The following PTPRD variants were observed in gnomAD, a reference collection of about 807,000 sequenced individuals.
PTPRD encodes receptor-type tyrosine-protein phosphatase delta.
A neutral mutation model predicts 214.5 loss-of-function variants in PTPRD; 34 were observed. That is an observed-to-expected ratio of 0.16 (90% CI 0.12 to 0.21). The LOEUF (loss-of-function observed/expected upper bound fraction) is 0.21, where lower values mean the gene tolerates loss of function less well. PTPRD is among the 10% of genes least tolerant of loss of function. The pLI is 1.00. For missense variants in PTPRD, 2,545 were observed against 2,398.7 expected, an observed-to-expected ratio of 1.06 and a Z score of -1.27; for synonymous variants, 1,128 against 845.7, an observed-to-expected ratio of 1.33 and a Z score of -5.79.
At chr9:10,114,499 TCA>T (rs1326355162) in intron 3 of PTPRD, among the ~76,000 whole-genome samples, 1 of 152,100 alleles carries the variant, frequency 6.6e-6, no homozygotes, top group East Asian at 1.9e-4. Flanking sequence ...ACTCTCTCTC[TCA>T]TTCTCTCTTC....
chr9:8,554,093 C>T (rs1463290095), intron 14 of PTPRD, among the ~76,000 whole-genome samples: 3 of 152,106 alleles, frequency 2.0e-5, no homozygotes, highest in Non-Finnish European at 4.4e-5. Flanking sequence ...AAGGCTGAGG[C>T]AGTAGAATCA....
At chr9:9,488,144 G>A (rs952406993) in intron 8 of PTPRD, among the ~76,000 whole-genome samples, 4 of 152,086 alleles carry the variant, frequency 2.6e-5, no homozygotes, top group African/African-American at 9.7e-5. Flanking sequence ...TGTAAATAAT[G>A]CGGAATATTT....
intron 4 of PTPRD, among the ~76,000 whole-genome samples, chr9:9,975,950 C>A (rs2095335824): frequency 6.6e-6 from 1 of 152,160 alleles, no homozygotes; most frequent in Non-Finnish European, 1.5e-5. Flanking sequence ...GTTAAGTGAA[C>A]TAGACCTGAA....
chr9:10,470,916 GA>G (rs2099026610), intron 2 of PTPRD, among the ~76,000 whole-genome samples: 2 of 151,996 alleles, frequency 1.3e-5, no homozygotes, highest in Non-Finnish European at 2.9e-5. Flanking sequence ...CCATCAATGA[GA>G]AACTGGATAA....
chr9:9,588,720 A>C (rs1176948017), intron 7 of PTPRD, among the ~76,000 whole-genome samples: 9 of 152,014 alleles, frequency 5.9e-5, no homozygotes, highest in Non-Finnish European at 1.0e-4. Context: ...ATTAGAGAAA[A>C]AAGTGAAAAG....
intron 3 of PTPRD, among the ~76,000 whole-genome samples, chr9:10,168,128 T>A (rs1022301448): frequency 4.3e-4 from 65 of 152,356 alleles, no homozygotes; most frequent in African/African-American, 1.5e-3. Flanking sequence ...TTGCAGGTGA[T>A]GGCATTTTCT....
chr9:9,044,403 G>C (rs981705660), intron 10 of PTPRD, among the ~76,000 whole-genome samples: 2 of 152,210 alleles, frequency 1.3e-5, no homozygotes, highest in Non-Finnish European at 2.9e-5. Context: ...CATGCTGCTT[G>C]GGCAGGTCCT....
At chr9:8,624,409 G>C (rs964709377) in intron 14 of PTPRD, among the ~76,000 whole-genome samples, 1 of 151,760 alleles carries the variant, frequency 6.6e-6, no homozygotes, top group Admixed American at 6.6e-5. Context: ...TTATTTTTCA[G>C]AGTTCTTCAC....
chr9:9,109,867 T>A (rs550113796), intron 10 of PTPRD, among the ~76,000 whole-genome samples: 2 of 152,040 alleles, frequency 1.3e-5, no homozygotes, highest in Non-Finnish European at 2.9e-5. Flanking sequence ...ACTGGGTCAA[T>A]AGAAGGAAAG....
intron 3 of PTPRD, among the ~76,000 whole-genome samples, chr9:10,321,308 A>G (rs1227135152): frequency 6.6e-6 from 1 of 152,068 alleles, no homozygotes; most frequent in African/African-American, 2.4e-5. Context: ...CTCTGAGGAA[A>G]TAATATTGAA....
intron 10 of PTPRD, among the ~76,000 whole-genome samples, chr9:9,035,550 C>G (rs958702959): frequency 1.3e-5 from 2 of 151,728 alleles, no homozygotes; most frequent in Non-Finnish European, 2.9e-5. Context: ...GGGTGTTCCC[C>G]CCACCCCAAC....
chr9:8,719,181 A>G (rs1035873468), intron 12 of PTPRD, among the ~76,000 whole-genome samples: 2 of 152,188 alleles, frequency 1.3e-5, no homozygotes, highest in African/African-American at 4.8e-5. Flanking sequence ...AATGAAAACT[A>G]TCCCTCAGCT....
chr9:10,017,325 T>C (rs773958826), intron 4 of PTPRD, among the ~76,000 whole-genome samples: 34 of 152,138 alleles, frequency 2.2e-4, no homozygotes, highest in South Asian at 4.1e-4. Flanking sequence ...GAGTCCTTTT[T>C]GTAGGTTTTA....
At chr9:9,823,614 G>A (rs1003547703) in intron 5 of PTPRD, among the ~76,000 whole-genome samples, 2 of 152,028 alleles carry the variant, frequency 1.3e-5, no homozygotes, top group African/African-American at 4.8e-5. Context: ...TATGTTAAAT[G>A]AAATAATCCA....
intron 11 of PTPRD, chr9:8,861,433 A>T (rs2098103515): frequency 6.6e-6 from 1 of 152,024 alleles, no homozygotes; most frequent in South Asian, 2.1e-4. Flanking sequence ...TTTATTTTTT[A>T]TTTTTTTATT....
At chr9:8,678,811 A>T (rs1374720661) in intron 12 of PTPRD, among the ~76,000 whole-genome samples, 1 of 152,204 alleles carries the variant, frequency 6.6e-6, no homozygotes, top group Non-Finnish European at 1.5e-5. Context: ...CCAGTCTAAT[A>T]ACATAAAATT....
intron 3 of PTPRD, among the ~76,000 whole-genome samples, chr9:10,091,814 A>T (rs954221220): frequency 1.3e-5 from 2 of 151,434 alleles, no homozygotes; most frequent in African/African-American, 4.8e-5. Context: ...CATCCAGTTT[A>T]TTAAAAAATA....
At chr9:8,744,683 A>C (rs540961114) in intron 11 of PTPRD, among the ~76,000 whole-genome samples, 1 of 152,340 alleles carries the variant, frequency 6.6e-6, no homozygotes, top group Non-Finnish European at 1.5e-5. Flanking sequence ...AAAAGATTAC[A>C]CATTGGGTGC....
intron 8 of PTPRD, among the ~76,000 whole-genome samples, chr9:9,421,474 G>A (rs909284330): frequency 1.3e-5 from 2 of 152,044 alleles, no homozygotes; most frequent in African/African-American, 4.8e-5. Context: ...TGAATTGCTT[G>A]AAATGTCTTT....
Sources: allele counts gnomAD v4.1 joint callset (sites outside exome capture counted in the v4.1 genomes callset), GRCh38; gene constraint gnomAD v4.1.1; transcripts MANE v1.5; gene names NCBI Gene and HGNC (gene_info 2026-07-23, HGNC 2026-07-21).